RELCH: variants seen among roughly 807,000 people sequenced by gnomAD.
RELCH encodes RAB11-binding protein RELCH.
RELCH carries 41 observed loss-of-function variants against 150.3 expected under a neutral mutation model. The ratio of observed to expected loss-of-function variants is 0.27; its 90% CI spans 0.21 to 0.35. The LOEUF (loss-of-function observed/expected upper bound fraction) is 0.35. Among genes scored for constraint, RELCH ranks in the 10% least tolerant of loss-of-function variants. RELCH has a pLI of 1.00. For synonymous variants in RELCH, 478 were observed against 531.8 expected, an observed-to-expected ratio of 0.90 and a Z score of 1.39; for missense variants, 1,092 against 1,467.8, an observed-to-expected ratio of 0.74 and a Z score of 4.18.
intron 13 of RELCH, among the ~76,000 whole-genome samples, chr18:62,257,509 C>T (rs2144642830): frequency 6.6e-6 from 1 of 152,136 alleles, no homozygotes; most frequent in African/African-American, 2.4e-5. Context: ...TCTCAGTGCT[C>T]TTCTCTGAGT....
chr18:62,238,278 C>G (rs1334245597), intron 10 of RELCH, among the ~76,000 whole-genome samples: 1 of 151,832 alleles, frequency 6.6e-6, no homozygotes. Context: ...TTCTGTAGTT[C>G]CTTGCCTGTT....
intron 8 of RELCH, among the ~76,000 whole-genome samples, chr18:62,230,306 G>C (rs544237784): frequency 6.6e-6 from 1 of 151,976 alleles, no homozygotes; most frequent in Admixed American, 6.6e-5. Context: ...CAAAAAAAAG[G>C]ATCAAGCCTG....
At chr18:62,202,466 G>T (rs2039515593) in intron 1 of RELCH, among the ~76,000 whole-genome samples, 1 of 152,098 alleles carries the variant, frequency 6.6e-6, no homozygotes, top group Non-Finnish European at 1.5e-5. Flanking sequence ...TGAATTGAGA[G>T]ATTGTTTTTC....
chr18:62,187,482 C>T lies in RELCH; in HGVS notation c.-24C>T, dbSNP rs774869673. The T allele has an allele frequency of 6.7e-7, 1 of 1,498,440 alleles. No homozygotes were observed. The highest frequency in any genetic ancestry group is 2.3e-5 in the East Asian group (1 of 43,456). The allele number at this position is 1,498,440 out of a possible 1,614,324, so 92.8% of individuals were successfully genotyped here. ...GGCCCGTCGGAACCAGTCAGGGAGG[C>T]GCCCACACTCCTGACAGGATAAGAT... On this transcript the variant is annotated 5_prime_UTR_variant, in exon 1 of 29. Coordinates refer to ENST00000644646, the MANE Select transcript of RELCH (RefSeq NM_001346231.2).
intron 2 of RELCH, among the ~76,000 whole-genome samples, chr18:62,214,951 C>G (rs2040396808): frequency 6.6e-6 from 1 of 152,190 alleles, no homozygotes; most frequent in African/African-American, 2.4e-5. Flanking sequence ...GCAATGGCTT[C>G]AAGGTCTTTC....
In RELCH at chr18:62,264,143, A is replaced by G. The variant is rs757148885; in HGVS notation, c.2505A>G (p.Gln835=). The part of the protein sequence containing the change: ...GWESLLWVVN[Q]LLPQLIEIVG... ...AGAGTTTACTGTGGGTTGTCAATCAATTGTAAGTTACCACCTCCATATTAA... is the reference window on the plus strand; with the variant it reads ...AGAGTTTACTGTGGGTTGTCAATCAGTTGTAAGTTACCACCTCCATATTAA... Residue 835 remains glutamine (Q), a splice_region_variant and synonymous_variant, in exon 17 of 29, where the codon CAA becomes CAG. Transcript: ENST00000644646. 1.4e-5 allele frequency: 23 copies of G among 1,595,724 alleles called. No individual in the cohort carries two copies. In the Admixed American group the frequency reaches 2.3e-4, roughly 16 times the overall value.
At chr18:62,303,350 G>A (rs4072376) in intron 28 of RELCH, among the ~76,000 whole-genome samples, 34,648 of 151,960 alleles carry the variant, frequency 0.23, 4,531 homozygotes, top group African/African-American at 0.36. Context: ...TATATATCCA[G>A]TTTTTCACAT....
At chr18:62,222,635 A>G (rs2040952077) in intron 5 of RELCH, among the ~76,000 whole-genome samples, 2 of 151,990 alleles carry the variant, frequency 1.3e-5, no homozygotes, top group African/African-American at 2.4e-5. Flanking sequence ...AGAGATGTCA[A>G]CAATGCTCTC....
chr18:62,234,907 C>G (rs978251523), intron 10 of RELCH: 4 of 151,682 alleles, frequency 2.6e-5, no homozygotes, highest in African/African-American at 9.7e-5. Flanking sequence ...TTGACCATAT[C>G]CTTTGATGGG....
At chr18:62,304,697 G>T (rs2045807044) in intron 28 of RELCH, among the ~76,000 whole-genome samples, 1 of 152,182 alleles carries the variant, frequency 6.6e-6, no homozygotes, top group Non-Finnish European at 1.5e-5. Context: ...AATTGTGCTT[G>T]ATCAGTATTC....
chr18:62,188,712 G>C (rs1183854213), intron 1 of RELCH, among the ~76,000 whole-genome samples: 1 of 152,158 alleles, frequency 6.6e-6, no homozygotes, highest in Non-Finnish European at 1.5e-5. Context: ...TTTTCTCTTT[G>C]CATTAGATAG....
chr18:62,284,024 G>T (rs920488258), intron 25 of RELCH, among the ~76,000 whole-genome samples: 9 of 152,086 alleles, frequency 5.9e-5, no homozygotes, highest in Non-Finnish European at 8.8e-5. Flanking sequence ...ACCTTTCTAT[G>T]TATATTCAAA....
At chr18:62,260,205 ATCCAATTAAGGAATGGGC>A (rs2043188376) in intron 15 of RELCH, among the ~76,000 whole-genome samples, 11 of 150,690 alleles carry the variant, frequency 7.3e-5, no homozygotes, top group Non-Finnish European at 8.9e-5. Flanking sequence ...AAAAAAAAAA[ATCCAATTAAGGAATGGGC>A]AAATGATCTG....
intron 28 of RELCH, chr18:62,300,427 A>G (rs1444497268): frequency 1.3e-5 from 2 of 152,168 alleles, no homozygotes; most frequent in Non-Finnish European, 2.9e-5. Context: ...TCTGAAGTCT[A>G]TTGTAGATCA....
chr18:62,302,542 A>C (rs1170510211), intron 28 of RELCH, among the ~76,000 whole-genome samples: 1 of 152,050 alleles, frequency 6.6e-6, no homozygotes, highest in Non-Finnish European at 1.5e-5. Flanking sequence ...TTTTTTCAAG[A>C]TAGAGTCTCA....
chr18:62,255,362 A>G, intron 12 of RELCH, 45 bp from the exon 13 acceptor site: 4 of 1,201,022 alleles, frequency 3.3e-6, no homozygotes, highest in Non-Finnish European at 4.9e-6. Flanking sequence ...GAAGGAAGGG[A>G]GGGTATGCTG....
At chr18:62,241,096 A>G (rs575106780) in intron 10 of RELCH, among the ~76,000 whole-genome samples, 4 of 152,266 alleles carry the variant, frequency 2.6e-5, no homozygotes, top group African/African-American at 9.6e-5. Flanking sequence ...TAGCTTTATC[A>G]GTACTGCACA....
chr18:62,298,726 T>C lies in RELCH; in HGVS notation c.3460-64T>C, dbSNP rs181006126. On this transcript the variant is annotated intron_variant, in intron 27 of 28. Coordinates refer to ENST00000644646, the MANE Select transcript of RELCH (RefSeq NM_001346231.2). ...ATAGGAATATTAAAAATTAAAACAT[T>C]AGATTAAACCATAGTATTTTACTAT... 3.1e-5 allele frequency: 24 copies of C among 770,528 alleles called. 1 individual carries two copies. Among genetic ancestry groups the C allele is most frequent in the South Asian group, 2.6e-4 (16 of 62,044 alleles). The allele number at this position is 770,528 out of a possible 1,614,324, so 47.7% of individuals were successfully genotyped here. A position where few individuals can be genotyped will look rare whatever the true frequency, so the allele number is the denominator to read the frequency against.
At chr18:62,259,382 T>C (rs1307010117) in intron 15 of RELCH, among the ~76,000 whole-genome samples, 1 of 151,676 alleles carries the variant, frequency 6.6e-6, no homozygotes, top group Non-Finnish European at 1.5e-5. Context: ...AGCAATCACA[T>C]TTACAATAGT....
Sources: allele counts gnomAD v4.1 joint callset (sites outside exome capture counted in the v4.1 genomes callset), GRCh38; gene constraint gnomAD v4.1.1; transcripts MANE v1.5; gene names NCBI Gene and HGNC (gene_info 2026-07-23, HGNC 2026-07-21).